The following GRID1 variants were observed in gnomAD, a reference collection of about 807,000 sequenced individuals.
The protein encoded by GRID1 is glutamate receptor ionotropic, delta-1.
A neutral mutation model predicts 98.0 loss-of-function variants in GRID1; 28 were observed. That is an observed-to-expected ratio of 0.29 (90% CI 0.21 to 0.39). The LOEUF (loss-of-function observed/expected upper bound fraction) is 0.39. Ranked by LOEUF, GRID1 falls within the 10% of genes least tolerant of loss-of-function variation. GRID1 has a pLI of 1.00. For missense variants in GRID1, 1,111 were observed against 1,340.5 expected, an observed-to-expected ratio of 0.83 and a Z score of 2.67; for synonymous variants, 553 against 538.5, an observed-to-expected ratio of 1.03 and a Z score of -0.37.
At chr10:85,820,191 C>A in intron 8 of GRID1, among the ~76,000 whole-genome samples, 1 of 133,500 alleles carries the variant, frequency 7.5e-6, no homozygotes, top group African/African-American at 3.0e-5. Context: ...AAGAAAACTT[C>A]TGATACACTC....
intron 14 of GRID1, among the ~76,000 whole-genome samples, chr10:85,617,227 C>T (rs990749134): frequency 9.6e-6 from 1 of 103,668 alleles, no homozygotes. Flanking sequence ...ACAACAAAGC[C>T]CCCCCCCCCT....
chr10:86,254,737 T>A (rs1846891639), intron 2 of GRID1, among the ~76,000 whole-genome samples: 1 of 152,214 alleles, frequency 6.6e-6, no homozygotes, highest in African/African-American at 2.4e-5. Flanking sequence ...CGCTGAAGCC[T>A]GGGGCTGCCC....
chr10:86,261,652 G>C (rs1847017195), intron 2 of GRID1, among the ~76,000 whole-genome samples: 1 of 152,158 alleles, frequency 6.6e-6, no homozygotes, highest in Non-Finnish European at 1.5e-5. Flanking sequence ...AGGCCAAAAG[G>C]ACAAGGAAAA....
chr10:86,150,198 C>T (rs1845144375), intron 3 of GRID1, among the ~76,000 whole-genome samples: 1 of 152,216 alleles, frequency 6.6e-6, no homozygotes, highest in Admixed American at 6.5e-5. Context: ...CCTCTCGGGG[C>T]AGGAGCAAGA....
At chr10:85,900,311 G>A (rs1050807912) in intron 5 of GRID1, among the ~76,000 whole-genome samples, 1 of 152,194 alleles carries the variant, frequency 6.6e-6, no homozygotes, top group Non-Finnish European at 1.5e-5. Context: ...GGCGAAGGAG[G>A]TGTAATAACA....
intron 2 of GRID1, among the ~76,000 whole-genome samples, chr10:86,285,179 G>A (rs906182258): frequency 6.7e-6 from 1 of 148,796 alleles, no homozygotes; most frequent in Non-Finnish European, 1.5e-5. Flanking sequence ...ACCAGCACCA[G>A]TAGTGTCAGA....
At chr10:86,190,800 C>G (rs1225210442) in intron 3 of GRID1, among the ~76,000 whole-genome samples, 1 of 152,236 alleles carries the variant, frequency 6.6e-6, no homozygotes, top group Non-Finnish European at 1.5e-5. Flanking sequence ...ATCTGCACCT[C>G]TAACTTTAAT....
At chr10:86,296,203 A>G (rs1847586255) in intron 2 of GRID1, among the ~76,000 whole-genome samples, 2 of 152,250 alleles carry the variant, frequency 1.3e-5, no homozygotes, top group South Asian at 4.1e-4. Context: ...TGAAACCATT[A>G]GCAAAATTCT....
chr10:86,248,491 C>T (rs951533718), intron 2 of GRID1, among the ~76,000 whole-genome samples: 5 of 151,552 alleles, frequency 3.3e-5, no homozygotes, highest in Non-Finnish European at 7.4e-5. Context: ...CTGCACTGGT[C>T]GTACAAAACG....
At chr10:85,687,570 C>A (rs961193185) in intron 12 of GRID1, among the ~76,000 whole-genome samples, 5 of 151,736 alleles carry the variant, frequency 3.3e-5, no homozygotes, top group South Asian at 2.1e-4. Context: ...ATTGAGGCTG[C>A]AATGAGCTAA....
chr10:85,902,893 A>AC lies in GRID1; in HGVS notation c.780+13292dup, dbSNP rs529806734. 2.8e-3 allele frequency among the ~76,000 whole-genome samples: 428 copies of AC among 150,554 alleles called. 2 individuals are homozygous for AC. The highest frequency in any genetic ancestry group is 8.7e-3 in the African/African-American group (354 of 40,886). ...ATGGTTTCTTCACTTGGCTTCTGGG[A>AC]CCCCCCCACAACACCTGTCCTCCTC... On this transcript the variant is annotated intron_variant, in intron 5 of 15. Transcript: ENST00000327946.
intron 12 of GRID1, among the ~76,000 whole-genome samples, chr10:85,689,445 G>GA (rs1841308045): frequency 9.9e-6 from 1 of 100,914 alleles, no homozygotes; most frequent in African/African-American, 4.1e-5. Context: ...ACAAAGAAAT[G>GA]GAAAAAAAAA....
chr10:86,126,928 G>A (rs750458989), intron 4 of GRID1, among the ~76,000 whole-genome samples: 1 of 152,244 alleles, frequency 6.6e-6, no homozygotes, highest in Non-Finnish European at 1.5e-5. Context: ...CTGCCTGGAT[G>A]CCATAGGCAT....
chr10:86,069,974 C>G (rs1843780099), intron 4 of GRID1, among the ~76,000 whole-genome samples: 1 of 152,044 alleles, frequency 6.6e-6, no homozygotes, highest in Non-Finnish European at 1.5e-5. Flanking sequence ...ACTCCTGGGT[C>G]ATTGTGGGTC....
intron 12 of GRID1, among the ~76,000 whole-genome samples, chr10:85,712,474 T>C (rs146548547): frequency 4.6e-5 from 7 of 151,816 alleles, no homozygotes; most frequent in Non-Finnish European, 1.0e-4. Flanking sequence ...ACAAGAATAC[T>C]TGGGGACATC....
intron 8 of GRID1, among the ~76,000 whole-genome samples, chr10:85,821,260 G>C (rs751989535): frequency 2.0e-5 from 3 of 151,900 alleles, no homozygotes; most frequent in Non-Finnish European, 4.4e-5. Context: ...GCTCATGCCT[G>C]TAATCCCAGC....
chr10:86,107,845 GC>G (rs995877235), intron 4 of GRID1, among the ~76,000 whole-genome samples: 2 of 152,118 alleles, frequency 1.3e-5, no homozygotes, highest in Non-Finnish European at 2.9e-5. Context: ...AACCCAGGCT[GC>G]CAAACAACCC....
intron 3 of GRID1, among the ~76,000 whole-genome samples, chr10:86,167,271 T>G (rs1432509564): frequency 6.6e-6 from 1 of 152,196 alleles, no homozygotes; most frequent in Admixed American, 6.5e-5. Flanking sequence ...TGCTGCTGTC[T>G]TCCTGAGGAT....
At chr10:86,125,865 T>C (rs1844744823) in intron 4 of GRID1, among the ~76,000 whole-genome samples, 1 of 152,218 alleles carries the variant, frequency 6.6e-6, no homozygotes, top group African/African-American at 2.4e-5. Context: ...TTTCTCTACT[T>C]TACCGTAAGA....
Sources: gnomAD v4.1 joint callset for allele counts (sites outside exome capture counted in the v4.1 genomes callset) on GRCh38, gnomAD v4.1.1 for gene constraint, MANE v1.5 for transcripts, NCBI Gene and HGNC (gene_info 2026-07-23, HGNC 2026-07-21) for gene names.